SCN3A: variants seen among roughly 807,000 people sequenced by gnomAD.
The protein encoded by SCN3A is sodium voltage-gated channel alpha subunit 3, also known as sodium channel protein type 3 subunit alpha.
SCN3A carries 60 observed loss-of-function variants against 187.6 expected under a neutral mutation model. The observed-to-expected ratio is 0.32, with a 90% CI of 0.26 to 0.40. SCN3A has a LOEUF of 0.40. Among genes scored for constraint, SCN3A ranks in the 10% least tolerant of loss-of-function variants. SCN3A has a pLI of 1.00. For missense variants in SCN3A, 1,601 were observed against 2,428.2 expected (o/e 0.66, Z 7.16); for synonymous variants, 788 against 829.2 (o/e 0.95, Z 0.85).
At chr2:165,112,211 T>TA in intron 21 of SCN3A, among the ~76,000 whole-genome samples, 1 of 152,228 alleles carries the variant, frequency 6.6e-6, no homozygotes, top group African/African-American at 2.4e-5. Flanking sequence ...TCACTTGCAA[T>TA]AAAAAAACAG....
intron 18 of SCN3A, among the ~76,000 whole-genome samples, chr2:165,123,938 A>G (rs1686840648): frequency 6.6e-6 from 1 of 152,106 alleles, no homozygotes; most frequent in African/African-American, 2.4e-5. Flanking sequence ...TAAAGTATTC[A>G]TTTTACCAAA....
intron 1 of SCN3A, among the ~76,000 whole-genome samples, chr2:165,189,859 A>G (rs1428953698): frequency 6.6e-6 from 1 of 152,036 alleles, no homozygotes; most frequent in African/African-American, 2.4e-5. Context: ...TTTTCTTTCA[A>G]TTGTTTTTAT....
intron 15 of SCN3A, among the ~76,000 whole-genome samples, chr2:165,131,668 G>A (rs575231861): frequency 1.3e-5 from 2 of 151,130 alleles, no homozygotes; most frequent in African/African-American, 4.9e-5. Context: ...AGTTACATAT[G>A]TATACCTGTG....
At chr2:165,167,390 T>C (rs1263709842) in intron 5 of SCN3A, among the ~76,000 whole-genome samples, 1 of 152,096 alleles carries the variant, frequency 6.6e-6, no homozygotes, top group African/African-American at 2.4e-5. Context: ...AAATAACATG[T>C]TAAATAACTG....
intron 3 of SCN3A, among the ~76,000 whole-genome samples, chr2:165,173,351 T>C (rs1241561952): frequency 6.6e-6 from 1 of 152,172 alleles, no homozygotes; most frequent in Non-Finnish European, 1.5e-5. Flanking sequence ...GATTCACCAC[T>C]TAAGGAGTGT....
intron 12 of SCN3A, among the ~76,000 whole-genome samples, chr2:165,144,982 A>C (rs1233473213): frequency 6.6e-6 from 1 of 152,224 alleles, no homozygotes; most frequent in East Asian, 1.9e-4. Context: ...TACATTTGTT[A>C]GTAATTGAAA....
At chr2:165,108,580 A>C (rs1343469855) in intron 21 of SCN3A, among the ~76,000 whole-genome samples, 1 of 152,180 alleles carries the variant, frequency 6.6e-6, no homozygotes, top group Non-Finnish European at 1.5e-5. Flanking sequence ...TTTTAGAATC[A>C]AACGAAGTTT....
intron 1 of SCN3A, among the ~76,000 whole-genome samples, chr2:165,190,805 T>C (rs2105967775): frequency 6.6e-6 from 1 of 151,850 alleles, no homozygotes. Flanking sequence ...GGAAGCACTG[T>C]ATCCTAACAT....
In SCN3A at chr2:165,166,886, C is replaced by G. The variant is rs528028664; in HGVS notation, c.473+1850G>C. Among the ~76,000 whole-genome samples the G allele has an allele frequency of 2.0e-5, 3 of 151,534 alleles. No individual in the cohort carries two copies. The East Asian group carries it at 5.9e-4, about 30-fold the overall frequency. On this transcript the variant is annotated intron_variant, in intron 5 of 27. Transcript: ENST00000283254. ...TTACTGCTTCTTTAGAAAGAGAGGC[C>G]TGTATATTCAATTGCCTTTTTTTTT... is the stretch of plus-strand genomic sequence containing the variant.
chr2:165,156,512 CAAAAAAAAAAAAAAAAAAAAAAAAA>C (rs558407270), intron 9 of SCN3A, among the ~76,000 whole-genome samples: 5 of 63,704 alleles, frequency 7.8e-5, no homozygotes, highest in African/African-American at 1.6e-4. Context: ...GACTCTGACT[CAAAAAAAAAAAAAAAAAAAAAAAAA>C]AAAAAAAAAA....
intron 11 of SCN3A, among the ~76,000 whole-genome samples, chr2:165,148,646 A>G (rs559315312): frequency 1.8e-4 from 28 of 152,068 alleles, no homozygotes; most frequent in Non-Finnish European, 3.7e-4. Context: ...ATAAAATGTA[A>G]CATATTTATT....
At chr2:165,098,012 A>G (rs60283651) in intron 22 of SCN3A, among the ~76,000 whole-genome samples, 2,440 of 152,314 alleles carry the variant, frequency 0.016, 43 homozygotes, top group African/African-American at 0.05. Context: ...TACGAAGAAC[A>G]GGATTAGGAA....
chr2:165,130,091 C>T lies in SCN3A; in HGVS notation c.2771G>A (p.Trp924Ter). 1.2e-6 allele frequency: 2 copies of T among 1,614,122 alleles called. No individual in the cohort carries two copies. The highest frequency in any genetic ancestry group is 8.5e-7 in the Non-Finnish European group (1 of 1,180,006). Residue 924 changes from tryptophan to a stop codon, truncating the protein, a stop_gained, in exon 17 of 28, where the codon TGG becomes TAG. Coordinates refer to ENST00000283254, the MANE Select transcript of SCN3A (RefSeq NM_006922.4). LOFTEE classifies it high-confidence loss of function. ...KINDDCTLPR[W>*]HMNDFFHSFL... ...GGAGTGGAAGAAGTCGTTCATGTGC[C>T]ACCGTGGGAGCGTACAGTCATCATT... is the stretch of plus-strand genomic sequence containing the variant.
chr2:165,152,144 A>G (rs892189468), intron 11 of SCN3A, among the ~76,000 whole-genome samples: 4 of 152,232 alleles, frequency 2.6e-5, no homozygotes, highest in Admixed American at 1.3e-4. Flanking sequence ...TCTGGAATTC[A>G]ATTGAAGATT....
At chr2:165,142,722 C>T (rs987537647) in intron 12 of SCN3A, among the ~76,000 whole-genome samples, 31 of 111,916 alleles carry the variant, frequency 2.8e-4, no homozygotes, top group Non-Finnish European at 4.8e-4. Flanking sequence ...ATCCAGAACT[C>T]GTGTTGTTGT....
intron 11 of SCN3A, among the ~76,000 whole-genome samples, chr2:165,153,964 T>C (rs527825211): frequency 1.8e-4 from 26 of 146,276 alleles, no homozygotes; most frequent in Non-Finnish European, 3.3e-4. Context: ...CTTCCTGATA[T>C]CCTGATGTGG....
In SCN3A at chr2:165,140,938, A is replaced by G. The variant is rs774982624; in HGVS notation, c.1732T>C (p.Phe578Leu). Residue 578 changes from phenylalanine (F) to leucine (L), a missense_variant, in exon 13 of 28, where the codon TTC (phenylalanine) becomes CTC (leucine). Physicochemically the swap from Phe to Leu is conservative, Grantham distance 22. Around this residue, in one of 11 missense-constraint regions of SCN3A, gnomAD observed 376 missense variants for 476.0 expected, o/e 0.79. Transcript: ENST00000283254. This position sits in a 1 kb window ranked among gnomAD's most constrained non-coding sequence, Gnocchi z 4.2. ...TCCTTTGCCCGACCTCTGAAACTGA[A>G]AATGCTTGTTTTGCTATTGCGTCTT... is the stretch of plus-strand genomic sequence containing the variant. Reference protein sequence around the residue: ...SPRRNSKTSIFSFRGRAKDVG... With the variant: ...SPRRNSKTSILSFRGRAKDVG... The G allele has an allele frequency of 1.5e-5, 25 of 1,613,988 alleles. No individual in the cohort carries two copies. Among genetic ancestry groups the G allele is most frequent in the Middle Eastern group, 1.6e-4 (1 of 6,082 alleles).
In SCN3A at chr2:165,176,178, C is replaced by T. The variant is rs915992958; in HGVS notation, c.217G>A (p.Val73Met). ...TCCAGGTCCTCCAGGGGCTCTGACACCATCTCTGGAGGAATGTCTCCATAA... is the reference window on the plus strand; with the variant it reads ...TCCAGGTCCTCCAGGGGCTCTGACATCATCTCTGGAGGAATGTCTCCATAA... ...FIYGDIPPEM[V>M]SEPLEDLDPY... The change falls in exon 3 of 28, where the codon GTG becomes ATG. Residue 73 changes from valine (V) to methionine (M), a missense_variant. Physicochemically the swap from Val to Met is conservative, Grantham distance 21 (BLOSUM62 1). Around this residue, in one of 11 missense-constraint regions of SCN3A, gnomAD observed 122 missense variants for 225.1 expected, o/e 0.54. Coordinates refer to ENST00000283254, the MANE Select transcript of SCN3A (RefSeq NM_006922.4). 6.8e-6 allele frequency: 11 copies of T among 1,614,006 alleles called. No homozygotes were observed. Among genetic ancestry groups the T allele is most frequent in the Middle Eastern group, 1.7e-4 (1 of 6,054 alleles).
At chr2:165,178,782 C>T (rs953271444) in intron 2 of SCN3A, among the ~76,000 whole-genome samples, 10 of 152,078 alleles carry the variant, frequency 6.6e-5, no homozygotes, top group South Asian at 2.1e-4. Flanking sequence ...GAGAAAAATT[C>T]TGTTTTACTC....
Sources: allele counts gnomAD v4.1 joint callset (sites outside exome capture counted in the v4.1 genomes callset), GRCh38; gene constraint gnomAD v4.1.1; regional missense constraint gnomAD v4.1.1; non-coding constraint Gnocchi (gnomAD v3.1); transcripts MANE v1.5; gene names NCBI Gene and HGNC (gene_info 2026-07-23, HGNC 2026-07-21).